WWTR1: variants seen among roughly 807,000 people sequenced by gnomAD.
The protein encoded by WWTR1 is WW domain containing transcription regulator 1.
WWTR1 carries 13 observed loss-of-function variants against 40.1 expected under a neutral mutation model. The ratio of observed to expected loss-of-function variants is 0.32; its 90% confidence interval spans 0.21 to 0.52. The LOEUF (loss-of-function observed/expected upper bound fraction) is 0.52. Among genes scored for constraint, WWTR1 ranks in the 20% least tolerant of loss-of-function variants. WWTR1 has a pLI of 0.97. For missense variants in WWTR1, 436 were observed against 523.1 expected (o/e 0.83, Z 1.63); for synonymous variants, 230 against 210.1 (o/e 1.09, Z -0.82).
chr3:149,622,505 G>GA (rs72246659), intron 2 of WWTR1, among the ~76,000 whole-genome samples: 3 of 137,408 alleles, frequency 2.2e-5, no homozygotes, highest in African/African-American at 8.5e-5. Flanking sequence ...AAGGAAGGAA[G>GA]AAAGAAAGAA....
intron 2 of WWTR1, among the ~76,000 whole-genome samples, chr3:149,575,097 C>CA (rs35353624): frequency 0.074 from 10,689 of 145,402 alleles, 427 homozygotes; most frequent in African/African-American, 0.087. Flanking sequence ...CCATCCCCCC[C>CA]AAAAAAAAAA....
At chr3:149,640,499 C>T (rs770584355) in intron 2 of WWTR1, among the ~76,000 whole-genome samples, 6 of 152,246 alleles carry the variant, frequency 3.9e-5, no homozygotes, top group Admixed American at 6.5e-5. Context: ...TGGCTCACTG[C>T]AACCTCTGCC....
At chr3:149,694,176 G>A (rs764233854) in intron 1 of WWTR1, among the ~76,000 whole-genome samples, 11 of 152,150 alleles carry the variant, frequency 7.2e-5, no homozygotes, top group African/African-American at 1.2e-4. Context: ...GGTGGATCAC[G>A]AGGTCAGGGG....
chr3:149,632,385 T>A (rs369666310), intron 2 of WWTR1, among the ~76,000 whole-genome samples: 2 of 152,160 alleles, frequency 1.3e-5, no homozygotes, highest in African/African-American at 4.8e-5. Flanking sequence ...CCTGAAGTTA[T>A]GTAAGCTCAT....
chr3:149,519,291 G>A lies in WWTR1; in HGVS notation c.*1514C>T, dbSNP rs1284527680. The A allele has an allele frequency of 6.6e-6, 1 of 152,172 alleles. No individual in the cohort carries two copies. Among genetic ancestry groups the A allele is most frequent in the Non-Finnish European group, 1.5e-5 (1 of 68,034 alleles). The allele number at this position is 152,172 out of a possible 1,614,324, so 9.4% of individuals were successfully genotyped here. On this transcript the variant is annotated 3_prime_UTR_variant, in exon 7 of 7. Coordinates refer to ENST00000360632, the MANE Select transcript of WWTR1 (RefSeq NM_015472.6). ...TTCATGCCTTTTTATACCAACTGTA[G>A]CAAACAGGATTAGGATAATATACTT...
At chr3:149,685,867 A>G (rs1347635399) in intron 1 of WWTR1, among the ~76,000 whole-genome samples, 1 of 152,210 alleles carries the variant, frequency 6.6e-6, no homozygotes, top group Non-Finnish European at 1.5e-5. Context: ...TTGTTATATC[A>G]TGGGACAAAA....
chr3:149,677,129 T>C (rs2108199140), intron 1 of WWTR1, among the ~76,000 whole-genome samples: 1 of 152,176 alleles, frequency 6.6e-6, no homozygotes, highest in South Asian at 2.1e-4. Context: ...TTGGTCAGGC[T>C]GATCTTGAAC....
chr3:149,705,968 G>A (rs1036760647), upstream of WWTR1, among the ~76,000 whole-genome samples: 4 of 152,162 alleles, frequency 2.6e-5, no homozygotes, highest in South Asian at 2.1e-4. Context: ...AAGGCGGGTG[G>A]ATTGCTTGAG....
At chr3:149,701,661 C>T (rs983000215) in intron 1 of WWTR1, 2 of 175,730 alleles carry the variant, frequency 1.1e-5, no homozygotes, top group African/African-American at 4.8e-5. Context: ...TTAAGGAAGG[C>T]AGTTATGGCT....
intron 2 of WWTR1, among the ~76,000 whole-genome samples, chr3:149,630,569 A>C (rs774763500): frequency 1.1e-4 from 16 of 152,172 alleles, no homozygotes; most frequent in Non-Finnish European, 1.8e-4. Context: ...TCTAGGCAGA[A>C]ATAGTCTTGT....
At chr3:149,621,536 A>T (rs1740271337) in intron 2 of WWTR1, among the ~76,000 whole-genome samples, 1 of 152,172 alleles carries the variant, frequency 6.6e-6, no homozygotes, top group Non-Finnish European at 1.5e-5. Context: ...AGAGCTCTTG[A>T]TGTGTTAATC....
At chr3:149,624,039 G>A (rs531806857) in intron 2 of WWTR1, among the ~76,000 whole-genome samples, 2 of 152,184 alleles carry the variant, frequency 1.3e-5, no homozygotes, top group East Asian at 1.9e-4. Flanking sequence ...ACTTCCCTTC[G>A]TCCGGCCACA....
At chr3:149,526,592 T>C (rs990205340) in intron 5 of WWTR1, among the ~76,000 whole-genome samples, 10 of 152,152 alleles carry the variant, frequency 6.6e-5, no homozygotes, top group African/African-American at 2.4e-4. Flanking sequence ...AAATATTAAT[T>C]GTAATATTTT....
At chr3:149,675,478 AG>A (rs1714230871) in intron 1 of WWTR1, among the ~76,000 whole-genome samples, 1 of 152,180 alleles carries the variant, frequency 6.6e-6, no homozygotes, top group Non-Finnish European at 1.5e-5. Context: ...AGGAATGATC[AG>A]GGTCTTTGAT....
At chr3:149,668,347 G>C (rs35259512) in intron 2 of WWTR1, among the ~76,000 whole-genome samples, 1 of 152,016 alleles carries the variant, frequency 6.6e-6, no homozygotes, top group Non-Finnish European at 1.5e-5. Context: ...TTGGCCAGGC[G>C]TGTAATCTGA....
chr3:149,666,304 A>G (rs1454849670), intron 2 of WWTR1, among the ~76,000 whole-genome samples: 1 of 152,224 alleles, frequency 6.6e-6, no homozygotes, highest in Non-Finnish European at 1.5e-5. Flanking sequence ...AGGAGAAGAG[A>G]GCCCTCCAAA....
intron 2 of WWTR1, among the ~76,000 whole-genome samples, chr3:149,575,018 C>T (rs559173355): frequency 6.6e-6 from 1 of 151,964 alleles, no homozygotes; most frequent in Non-Finnish European, 1.5e-5. Flanking sequence ...CGCTTGAACC[C>T]GGGAGGTGGA....
At chr3:149,561,742 T>A (rs1737084792) in intron 3 of WWTR1, among the ~76,000 whole-genome samples, 1 of 152,174 alleles carries the variant, frequency 6.6e-6, no homozygotes, top group Non-Finnish European at 1.5e-5. Flanking sequence ...TAAGTACTAA[T>A]TTGGAAGGCT....
intron 2 of WWTR1, among the ~76,000 whole-genome samples, chr3:149,581,187 T>C (rs958509664): frequency 2.0e-5 from 3 of 152,202 alleles, no homozygotes; most frequent in African/African-American, 7.2e-5. Flanking sequence ...TTATTGGTTA[T>C]AATGATTCTT....
Sources: gnomAD v4.1 joint callset for allele counts (sites outside exome capture counted in the v4.1 genomes callset) on GRCh38, gnomAD v4.1.1 for gene constraint, MANE v1.5 for transcripts, NCBI Gene and HGNC (gene_info 2026-07-23, HGNC 2026-07-21) for gene names.